The following KRT4 variants were observed in gnomAD, a reference collection of about 807,000 sequenced individuals.
KRT4 encodes the protein keratin 4.
KRT4 carries 47 observed loss-of-function variants against 50.6 expected under a neutral mutation model. The observed-to-expected ratio is 0.93, with a 90% CI of 0.73 to 1.18. The LOEUF is 1.18. Ranked by LOEUF, KRT4 falls within the 50% of genes most tolerant of loss-of-function variation. The pLI, the probability that KRT4 is intolerant of heterozygous loss-of-function variation, is 0.00. For missense variants in KRT4, 651 were observed against 645.7 expected, an observed-to-expected ratio of 1.01 and a Z score of -0.09; for synonymous variants, 254 against 251.2, an observed-to-expected ratio of 1.01 and a Z score of -0.10.
Position 52,813,888 on chromosome 12 carries a change from C to A in KRT4, c.171G>T (p.Gly57=). Reference sequence around the variant, plus strand: ...CCACACTCATGGAGATGCTTTTGTTCCCCCTGAGGTTGTAGAGGCTTCTGC... The same window carrying A: ...CCACACTCATGGAGATGCTTTTGTTACCCCTGAGGTTGTAGAGGCTTCTGC... The part of the protein sequence containing the change: ...FGSRSLYNLR[G]NKSISMSVAG... Residue 57 remains glycine, a synonymous_variant, in exon 1 of 9, where the codon GGG becomes GGT. Coordinates refer to ENST00000551956, the MANE Select transcript of KRT4 (RefSeq NM_002272.4). 2 of 1,122,442 alleles carry A rather than the reference C, an allele frequency of 1.8e-6. No homozygotes were observed. The highest frequency in any genetic ancestry group is 2.2e-6 in the Non-Finnish European group (2 of 915,060). 69.5% of individuals were successfully genotyped at this position (1,122,442 alleles called of 1,614,324 possible).
At chr12:52,812,055 A>T in intron 1 of KRT4, 78 bp from the exon 2 acceptor site, 1 of 1,126,738 alleles carries the variant, frequency 8.9e-7, no homozygotes, top group East Asian at 2.5e-5. Flanking sequence ...ACACCAACCC[A>T]GTCAATCCCA....
chr12:52,813,581 C>A lies in KRT4; in HGVS notation c.462+16G>T. The A allele has an allele frequency of 6.2e-7, 1 of 1,611,006 alleles. No individual in the cohort carries two copies. Among genetic ancestry groups the A allele is most frequent in the Non-Finnish European group, 8.5e-7 (1 of 1,177,458 alleles). On this transcript the variant is annotated intron_variant, in intron 1 of 8. Transcript: ENST00000551956. The stretch of plus-strand genomic sequence containing the variant: ...TCTCTTCTAACTGCCCCTCTCCAGC[C>A]GAGGACACAGCTCACCTTGTCGATG...
intron 4 of KRT4, 131 bp from the exon 5 acceptor site, chr12:52,808,981 A>G: frequency 9.9e-7 from 1 of 1,005,914 alleles, no homozygotes; most frequent in East Asian, 2.5e-5. Context: ...CTAAGGAGAA[A>G]TCAAGTGGTT....
Position 52,808,782 on chromosome 12 carries a change from G to A in KRT4, c.903C>T (p.Asn301=), listed in dbSNP as rs761763072. Residue 301 remains asparagine, a synonymous_variant, in exon 5 of 9, where the codon AAC becomes AAT. Coordinates refer to ENST00000551956, the MANE Select transcript of KRT4 (RefSeq NM_002272.4). Reference sequence around the variant, plus strand: ...CGGCAATAATGCTGTCCAGGTCCAGGTTGCGGTTGTTGTCCATGGAAAGGA... The same window carrying A: ...CGGCAATAATGCTGTCCAGGTCCAGATTGCGGTTGTTGTCCATGGAAAGGA... ...SVVLSMDNNR[N]LDLDSIIAEV... 1 of 1,614,178 alleles carries A rather than the reference G, an allele frequency of 6.2e-7. No individual in the cohort carries two copies. The highest frequency in any genetic ancestry group is 1.1e-5 in the South Asian group (1 of 91,080).
intron 6 of KRT4, 76 bp from the exon 7 acceptor site, chr12:52,807,940 T>C: frequency 7.6e-7 from 1 of 1,310,258 alleles, no homozygotes; most frequent in Non-Finnish European, 1.1e-6. Flanking sequence ...CCTCCCCTGG[T>C]CCAGCTTTCC....
In KRT4 at chr12:52,812,728, G is replaced by A. The variant is rs188393159; in HGVS notation, c.463-751C>T. On this transcript the variant is annotated intron_variant, in intron 1 of 8. Transcript: ENST00000551956. ...TGAGTTTTTGCTATCACATCTGCAT[G>A]TCCTATAGTCACAGTAAAACCTCTT... is the stretch of plus-strand genomic sequence containing the variant. Among the ~76,000 whole-genome samples the A allele has an allele frequency of 2.0e-3, 309 of 152,330 alleles. 2 individuals are homozygous for A. Among genetic ancestry groups the A allele is most frequent in the Non-Finnish European group, 3.5e-3 (240 of 68,022 alleles).
intron 5 of KRT4, 121 bp from the exon 6 acceptor site, chr12:52,808,540 T>C (rs1183855716): frequency 3.6e-5 from 55 of 1,531,740 alleles, no homozygotes; most frequent in Non-Finnish European, 4.9e-5. Flanking sequence ...TCAAGTAGTT[T>C]CAAATCAGAC....
intron 3 of KRT4, among the ~76,000 whole-genome samples, chr12:52,810,132 G>C (rs944108937): frequency 6.6e-6 from 1 of 152,188 alleles, no homozygotes; most frequent in Non-Finnish European, 1.5e-5. Flanking sequence ...GCTGGATAAT[G>C]AGAAATTACT....
intron 7 of KRT4, 98 bp downstream of exon 7, chr12:52,807,546 G>T: frequency 6.7e-7 from 1 of 1,503,156 alleles, no homozygotes; most frequent in Non-Finnish European, 9.2e-7. Context: ...GTAATGCACC[G>T]GCACAACACT....
chr12:52,811,055 G>C (rs375353367), intron 2 of KRT4: 4 of 516,414 alleles, frequency 7.7e-6, no homozygotes, highest in South Asian at 6.7e-5. Flanking sequence ...GACTGTTTTC[G>C]ATAGAAAACC....
At chr12:52,811,618 CTA>C (rs2121253464) in intron 2 of KRT4, 143 bp downstream of exon 2, 1 of 693,208 alleles carries the variant, frequency 1.4e-6, no homozygotes, top group Admixed American at 2.4e-5. Context: ...GAAAACGTGA[CTA>C]TGTGGATGTA....
chr12:52,807,897 A>T, intron 6 of KRT4, 33 bp from the exon 7 acceptor site: 1 of 1,593,782 alleles, frequency 6.3e-7, no homozygotes, highest in Non-Finnish European at 8.6e-7. Flanking sequence ...GGTGGTCAGC[A>T]GTGCCCTGCC....
At position 52,806,816 on chromosome 12, in the gene KRT4, G is replaced by A; in HGVS notation, c.*253C>T. ...TCTTCTCTGTCCATGGGAGGTGAGA[G>A]GTCAGCTGACATCCTTCCCATTCCA... On this transcript the variant is annotated 3_prime_UTR_variant, in exon 9 of 9. Transcript: ENST00000551956. 3.5e-6 allele frequency: 2 copies of A among 568,696 alleles called. No homozygotes were observed. The highest frequency in any genetic ancestry group is 6.3e-6 in the Non-Finnish European group (2 of 315,726). The allele number at this position is 568,696 out of a possible 1,614,324, so 35.2% of individuals were successfully genotyped here. A position where few individuals can be genotyped will look rare whatever the true frequency, so the allele number is the denominator to read the frequency against.
In KRT4 at chr12:52,807,083, T is replaced by C; in HGVS notation, c.1549A>G (p.Asn517Asp). ...CCTCGTCTCCTCTATCGTCTCTTGT[T>C]CAGGGTGGTGGTAGAGATGATCTTG... The part of the protein sequence containing the change: ...SSKIISTTTL[N>D]KRR Residue 517 changes from asparagine to aspartate, a missense_variant, in exon 9 of 9, where the codon AAC becomes GAC. Physicochemically the swap from Asn to Asp is conservative, Grantham distance 23 (BLOSUM62 1). Transcript: ENST00000551956. The C allele has an allele frequency of 6.2e-7, 1 of 1,614,124 alleles. No homozygotes were observed. Among genetic ancestry groups the C allele is most frequent in the South Asian group, 1.1e-5 (1 of 91,068 alleles).
Position 52,808,859 on chromosome 12 carries a change from C to T in KRT4, c.835-9G>A. On this transcript the variant is annotated splice_polypyrimidine_tract_variant and intron_variant, in intron 4 of 8. Transcript: ENST00000551956. Reference sequence around the variant, plus strand: ...TGCATCTGGGACAGCTCCTGCAGGGCAAATGTCTCACATCAGCCCCCCCAG... The same window carrying T: ...TGCATCTGGGACAGCTCCTGCAGGGTAAATGTCTCACATCAGCCCCCCCAG... The T allele has an allele frequency of 6.2e-7, 1 of 1,614,042 alleles. No homozygotes were observed. Among genetic ancestry groups the T allele is most frequent in the Non-Finnish European group, 8.5e-7 (1 of 1,179,920 alleles).
rs754399789 is a variant in KRT4, at chr12:52,807,251, C to T, written c.1382-1G>A. The stretch of plus-strand genomic sequence containing the variant: ...GTGCTGGTGCTACCGCTGACCACAG[C>T]TGCAGAAAAGACACAAAAGACACAG... On this transcript the variant is annotated splice_acceptor_variant, in intron 8 of 8. Coordinates refer to ENST00000551956, the MANE Select transcript of KRT4 (RefSeq NM_002272.4). LOFTEE classifies it high-confidence loss of function. 6.2e-7 allele frequency: 1 copy of T among 1,614,052 alleles called. No homozygotes were observed. Among genetic ancestry groups the T allele is most frequent in the Non-Finnish European group, 8.5e-7 (1 of 1,180,030 alleles).
At chr12:52,808,232 T>G in intron 6 of KRT4, 62 bp downstream of exon 6, 1 of 1,598,406 alleles carries the variant, frequency 6.3e-7, no homozygotes, top group South Asian at 1.1e-5. Context: ...GCTTGTCCAC[T>G]CTGGAGATGT....
rs1300199552 is a variant in KRT4, at chr12:52,807,081, G to C, written c.1551C>G (p.Asn517Lys). The change falls in exon 9 of 9, where the codon AAC becomes AAG. Residue 517 changes from asparagine to lysine, a missense_variant. Asn to Lys is a moderately conservative substitution (Grantham distance 94). Coordinates refer to ENST00000551956, the MANE Select transcript of KRT4 (RefSeq NM_002272.4). ...GACCTCGTCTCCTCTATCGTCTCTTGTTCAGGGTGGTGGTAGAGATGATCT... is the reference window on the plus strand; with the variant it reads ...GACCTCGTCTCCTCTATCGTCTCTTCTTCAGGGTGGTGGTAGAGATGATCT... ...SSKIISTTTL[N>K]KRR 6.2e-7 allele frequency: 1 copy of C among 1,614,126 alleles called. No individual in the cohort carries two copies. The highest frequency in any genetic ancestry group is 1.7e-5 in the Admixed American group (1 of 60,028).
rs1460940195 is a variant in KRT4 at position 52,813,557 on chromosome 12, C to A, written c.462+40G>T. On this transcript the variant is annotated intron_variant, in intron 1 of 8. Transcript: ENST00000551956. Reference sequence around the variant, plus strand: ...TGAGACCCCAGGACTCAGGACCCCTCTCTTCTAACTGCCCCTCTCCAGCCG... The same window carrying A: ...TGAGACCCCAGGACTCAGGACCCCTATCTTCTAACTGCCCCTCTCCAGCCG... 4 of 1,578,174 alleles carry A rather than the reference C, an allele frequency of 2.5e-6. No individual in the cohort carries two copies. The East Asian group carries it at 8.9e-5, about 35-fold the overall frequency.
Sources: allele counts gnomAD v4.1 joint callset (sites outside exome capture counted in the v4.1 genomes callset), GRCh38; gene constraint gnomAD v4.1.1; transcripts MANE v1.5; gene names NCBI Gene and HGNC (gene_info 2026-07-23, HGNC 2026-07-21).